The following GNG2 variants were observed in gnomAD, a reference collection of about 807,000 sequenced individuals.
GNG2 encodes guanine nucleotide-binding protein G(I)/G(S)/G(O) subunit gamma-2.
GNG2 carries 5 observed loss-of-function variants against 5.5 expected under a neutral mutation model. The ratio of observed to expected loss-of-function variants is 0.91; its 90% CI spans 0.48 to 1.92. GNG2 has a LOEUF of 1.92. GNG2 is among the 30% of genes most tolerant of loss of function. The probability of loss-of-function intolerance (pLI) is 0.01; values close to 1 mark genes in which losing one functional copy is unlikely to be tolerated. For missense variants in GNG2, 55 were observed against 88.4 expected (o/e 0.62, Z 1.52); for synonymous variants, 28 against 32.0 (o/e 0.88, Z 0.42).
intron 1 of GNG2, among the ~76,000 whole-genome samples, chr14:51,866,045 T>G (rs1882857252): frequency 6.6e-6 from 1 of 152,110 alleles, no homozygotes; most frequent in Non-Finnish European, 1.5e-5. Flanking sequence ...TAAGACAGGA[T>G]CAGCCCCTTT....
At chr14:51,936,285 C>T (rs1887998529) in intron 2 of GNG2, among the ~76,000 whole-genome samples, 1 of 152,174 alleles carries the variant, frequency 6.6e-6, no homozygotes, top group Admixed American at 6.5e-5. Context: ...CTGTGTACTC[C>T]ATGGTATACA....
intron 2 of GNG2, among the ~76,000 whole-genome samples, chr14:51,841,829 A>G (rs1287570834): frequency 3.3e-5 from 5 of 152,216 alleles, no homozygotes; most frequent in African/African-American, 1.2e-4. Flanking sequence ...AGTTCCAGGC[A>G]ATGCAGACTC....
chr14:51,841,272 C>T (rs918396203), intron 2 of GNG2, among the ~76,000 whole-genome samples: 1 of 152,130 alleles, frequency 6.6e-6, no homozygotes, highest in Non-Finnish European at 1.5e-5. Context: ...CTGCAACAGG[C>T]CCCTCTCCAG....
chr14:51,828,870 C>T (rs1359285622), intron 2 of GNG2, among the ~76,000 whole-genome samples: 1 of 152,134 alleles, frequency 6.6e-6, no homozygotes, highest in African/African-American at 2.4e-5. Context: ...GAGGCTTAGC[C>T]CCACTACCTC....
chr14:51,899,989 T>A (rs1885445772), intron 2 of GNG2, among the ~76,000 whole-genome samples: 2 of 152,228 alleles, frequency 1.3e-5, no homozygotes, highest in Non-Finnish European at 1.5e-5. Context: ...CAAATATGTC[T>A]TCAAGACCCT....
At chr14:51,879,095 T>G (rs2068559288) in intron 2 of GNG2, among the ~76,000 whole-genome samples, 1 of 152,256 alleles carries the variant, frequency 6.6e-6, no homozygotes, top group African/African-American at 2.4e-5. Flanking sequence ...TTGTGAACAT[T>G]GTGAACTACC....
At chr14:51,929,391 T>C (rs1887524182) in intron 2 of GNG2, among the ~76,000 whole-genome samples, 1 of 152,194 alleles carries the variant, frequency 6.6e-6, no homozygotes, top group Non-Finnish European at 1.5e-5. Flanking sequence ...GTGAAAAGAA[T>C]GCGAGGATGC....
chr14:51,850,672 T>C (rs912893186), intron 2 of GNG2, among the ~76,000 whole-genome samples: 4 of 152,242 alleles, frequency 2.6e-5, no homozygotes, highest in African/African-American at 9.6e-5. Context: ...TTCTGCAGTC[T>C]GAACAGGAAG....
At chr14:51,892,052 C>T (rs913997419) in intron 2 of GNG2, among the ~76,000 whole-genome samples, 1 of 152,208 alleles carries the variant, frequency 6.6e-6, no homozygotes, top group African/African-American at 2.4e-5. Flanking sequence ...GTTCCTCTTG[C>T]TCCACTTGTC....
chr14:51,964,116 G>A (rs1889767441), intron 3 of GNG2, among the ~76,000 whole-genome samples: 1 of 152,142 alleles, frequency 6.6e-6, no homozygotes. Context: ...GCCACATAAA[G>A]ACACAGACAC....
At chr14:51,950,804 T>G (rs377488071) in intron 3 of GNG2, 39 bp downstream of exon 3, 2 of 1,281,850 alleles carry the variant, frequency 1.6e-6, no homozygotes, top group Non-Finnish European at 2.2e-6. Context: ...CTAGCGTGAG[T>G]CTAAGGCGCA....
upstream of GNG2, among the ~76,000 whole-genome samples, chr14:51,856,559 A>C (rs545295521): frequency 6.6e-6 from 1 of 152,226 alleles, no homozygotes; most frequent in Non-Finnish European, 1.5e-5. Context: ...CAGCCTCCTG[A>C]GTAGTTGGGA....
intron 2 of GNG2, among the ~76,000 whole-genome samples, chr14:51,930,634 T>C (rs555502711): frequency 2.0e-5 from 3 of 152,328 alleles, no homozygotes; most frequent in South Asian, 2.1e-4. Flanking sequence ...CACTATTAAA[T>C]GTATCACTTG....
At chr14:51,944,121 A>G (rs1379359423) in intron 2 of GNG2, among the ~76,000 whole-genome samples, 2 of 152,216 alleles carry the variant, frequency 1.3e-5, no homozygotes, top group African/African-American at 4.8e-5. Flanking sequence ...AATAGCATAA[A>G]GAGCACAGAA....
chr14:51,920,034 A>G (rs1453118878), intron 2 of GNG2, among the ~76,000 whole-genome samples: 1 of 152,196 alleles, frequency 6.6e-6, no homozygotes, highest in Non-Finnish European at 1.5e-5. Flanking sequence ...ACCAAAATCC[A>G]TGGATACTCA....
At chr14:51,841,429 T>C (rs1881478495) in intron 2 of GNG2, 1 of 624,986 alleles carries the variant, frequency 1.6e-6, no homozygotes, top group African/African-American at 1.8e-5. Flanking sequence ...AGCCTGGCAC[T>C]GTTTGTTCTG....
At chr14:51,936,936 C>CAA (rs990259276) in intron 2 of GNG2, among the ~76,000 whole-genome samples, 1 of 152,144 alleles carries the variant, frequency 6.6e-6, no homozygotes, top group Non-Finnish European at 1.5e-5. Context: ...GTCAACTTTT[C>CAA]AAACAAGCTC....
intron 2 of GNG2, among the ~76,000 whole-genome samples, chr14:51,853,682 A>G (rs1223820930): frequency 2.0e-5 from 3 of 152,292 alleles, no homozygotes; most frequent in Admixed American, 1.3e-4. Flanking sequence ...TTATTATTGT[A>G]TAGCTTTTCT....
chr14:51,895,743 A>G (rs1181167521), intron 2 of GNG2, among the ~76,000 whole-genome samples: 1 of 152,222 alleles, frequency 6.6e-6, no homozygotes. Context: ...CTCATCTTGT[A>G]GCTCCCATAA....
Sources: allele counts gnomAD v4.1 joint callset (sites outside exome capture counted in the v4.1 genomes callset), GRCh38; gene constraint gnomAD v4.1.1; transcripts MANE v1.5; gene names NCBI Gene and HGNC (gene_info 2026-07-23, HGNC 2026-07-21).